Variants in LRP1B observed in about 807,000 individuals in gnomAD.
The protein encoded by LRP1B is LDL receptor related protein 1B, also known as low-density lipoprotein receptor-related protein 1B.
LRP1B carries 217 observed loss-of-function variants against 556.6 expected under a neutral mutation model. The ratio of observed to expected loss-of-function variants is 0.39; its 90% confidence interval spans 0.35 to 0.44. The LOEUF (loss-of-function observed/expected upper bound fraction) is 0.44. Ranked by LOEUF, LRP1B falls within the 20% of genes least tolerant of loss-of-function variation. The pLI is 1.00. For synonymous variants in LRP1B, 2,047 were observed against 1,865.8 expected (o/e 1.10, Z -2.50); for missense variants, 5,053 against 5,620.8 (o/e 0.90, Z 3.23).
rs2105134781 is a variant in LRP1B at position 140,358,000 on chromosome 2, C to T, written c.11374G>A (p.Asp3792Asn). 6.2e-7 allele frequency: 1 copy of T among 1,610,908 alleles called. No individual in the cohort carries two copies. The highest frequency in any genetic ancestry group is 2.2e-5 in the East Asian group (1 of 44,728). ...TCACCTATTCTGCATCCTTGCTCAT[C>T]TGAACCATCTCCGCAGTCATCAAGT... The part of the protein sequence containing the change: ...DRLDDCGDGS[D>N]EQGCRIAPTE... Residue 3792 changes from aspartate to asparagine, a missense_variant, in exon 74 of 91, where the codon GAT (aspartate) becomes AAT (asparagine). By Grantham distance (23) the Asp-to-Asn change is conservative (BLOSUM62 1). Transcript: ENST00000389484.
At chr2:140,900,029 T>C (rs981893232) in intron 23 of LRP1B, among the ~76,000 whole-genome samples, 1 of 152,160 alleles carries the variant, frequency 6.6e-6, no homozygotes. Flanking sequence ...GATTTTCTCT[T>C]GTTAACTGGT....
intron 80 of LRP1B, among the ~76,000 whole-genome samples, chr2:140,324,398 G>A (rs1451489593): frequency 6.6e-6 from 1 of 151,946 alleles, no homozygotes; most frequent in Admixed American, 6.6e-5. Flanking sequence ...AATGTTATCT[G>A]TAGTATACAA....
At chr2:140,246,990 G>T in intron 87 of LRP1B, 96 bp downstream of exon 87, 1 of 834,486 alleles carries the variant, frequency 1.2e-6, no homozygotes, top group Non-Finnish European at 1.9e-6. Flanking sequence ...AAAATTCCAT[G>T]AAGAAAGTGT....
intron 66 of LRP1B, among the ~76,000 whole-genome samples, chr2:140,428,989 C>T (rs1347215422): frequency 6.6e-6 from 1 of 152,080 alleles, no homozygotes; most frequent in Non-Finnish European, 1.5e-5. Flanking sequence ...AATCCAAAGC[C>T]TCCTTTGCGT....
chr2:141,758,994 A>G (rs1395028363), intron 2 of LRP1B, among the ~76,000 whole-genome samples: 3 of 152,130 alleles, frequency 2.0e-5, no homozygotes, highest in Non-Finnish European at 2.9e-5. Context: ...CCAAATCATG[A>G]TTTTTAAACA....
At chr2:141,213,861 C>T (rs919733896) in intron 6 of LRP1B, among the ~76,000 whole-genome samples, 11 of 151,668 alleles carry the variant, frequency 7.3e-5, no homozygotes, top group African/African-American at 2.7e-4. Flanking sequence ...TTGGCTGAAA[C>T]ATGTTGAATG....
intron 43 of LRP1B, among the ~76,000 whole-genome samples, chr2:140,549,076 A>AT (rs1350659706): frequency 4.0e-5 from 6 of 151,822 alleles, no homozygotes; most frequent in East Asian, 1.9e-4. Context: ...AATCACTTCC[A>AT]TTTTTTTTCA....
intron 2 of LRP1B, among the ~76,000 whole-genome samples, chr2:141,522,799 C>G (rs1026686083): frequency 6.6e-6 from 1 of 152,124 alleles, no homozygotes; most frequent in Non-Finnish European, 1.5e-5. Context: ...TTCTTTTGCC[C>G]TCTGCAAGCT....
chr2:141,374,281 T>C (rs3946535), intron 3 of LRP1B, among the ~76,000 whole-genome samples: 3,873 of 152,250 alleles, frequency 0.025, 83 homozygotes, highest in South Asian at 0.063. Context: ...GGTGACTAGA[T>C]ACTTTTCTCT....
chr2:141,572,914 GCCCTA>G, intron 2 of LRP1B, among the ~76,000 whole-genome samples: 1 of 3,656 alleles, frequency 2.7e-4, no homozygotes, highest in Admixed American at 5.6e-3. Flanking sequence ...AAATATCTAT[GCCCTA>G]TGCCCTAATA....
intron 46 of LRP1B, among the ~76,000 whole-genome samples, chr2:140,535,592 G>A (rs1574052619): frequency 6.6e-6 from 1 of 152,112 alleles, no homozygotes; most frequent in Non-Finnish European, 1.5e-5. Flanking sequence ...GATATAAAAT[G>A]AGGCAGTTTC....
At chr2:140,768,355 T>C (rs1689188459) in intron 35 of LRP1B, among the ~76,000 whole-genome samples, 1 of 151,936 alleles carries the variant, frequency 6.6e-6, no homozygotes, top group Non-Finnish European at 1.5e-5. Flanking sequence ...GCTATTTGTT[T>C]TTTAACATTA....
intron 53 of LRP1B, among the ~76,000 whole-genome samples, chr2:140,505,016 CT>C (rs1183151779): frequency 2.0e-5 from 3 of 152,172 alleles, no homozygotes; most frequent in Non-Finnish European, 4.4e-5. Context: ...TTCTCTAACA[CT>C]TTATTTCAGC....
chr2:140,522,760 C>T (rs1690238735), intron 49 of LRP1B, among the ~76,000 whole-genome samples: 1 of 151,648 alleles, frequency 6.6e-6, no homozygotes, highest in Non-Finnish European at 1.5e-5. Flanking sequence ...AAAATATCAT[C>T]AGAAACTATT....
chr2:140,759,284 T>G (rs1242053716), intron 35 of LRP1B, among the ~76,000 whole-genome samples: 1 of 152,158 alleles, frequency 6.6e-6, no homozygotes, highest in Non-Finnish European at 1.5e-5. Context: ...AGAGGTTGCT[T>G]TGTATAACTC....
At chr2:141,109,145 A>T (rs1304807913) in intron 7 of LRP1B, among the ~76,000 whole-genome samples, 9 of 152,192 alleles carry the variant, frequency 5.9e-5, no homozygotes, top group Admixed American at 5.9e-4. Context: ...GACTCAGAAA[A>T]CAAGGACCAT....
intron 3 of LRP1B, among the ~76,000 whole-genome samples, chr2:141,479,331 A>T (rs1682828617): frequency 6.6e-6 from 1 of 151,706 alleles, no homozygotes; most frequent in South Asian, 2.1e-4. Context: ...ACAATGTTTT[A>T]AAAAATAGCA....
At chr2:141,355,801 A>G (rs536938810) in intron 3 of LRP1B, among the ~76,000 whole-genome samples, 1 of 152,230 alleles carries the variant, frequency 6.6e-6, no homozygotes, top group South Asian at 2.1e-4. Flanking sequence ...TTTAGAGGGT[A>G]TAGTAATAAT....
chr2:140,795,289 C>T (rs1265189513), intron 32 of LRP1B, among the ~76,000 whole-genome samples: 4 of 152,064 alleles, frequency 2.6e-5, no homozygotes, highest in African/African-American at 7.2e-5. Flanking sequence ...CAACTCAGCA[C>T]AAAATAATCT....
Sources: allele counts gnomAD v4.1 joint callset (sites outside exome capture counted in the v4.1 genomes callset), GRCh38; gene constraint gnomAD v4.1.1; transcripts MANE v1.5; gene names NCBI Gene and HGNC (gene_info 2026-07-23, HGNC 2026-07-21).